RBPJL: variants seen among roughly 807,000 people sequenced by gnomAD.
The protein encoded by RBPJL is recombination signal binding protein for immunoglobulin kappa J region like.
A neutral mutation model predicts 57.6 loss-of-function variants in RBPJL; 50 were observed. The observed-to-expected ratio is 0.87, with a 90% CI of 0.69 to 1.10. The LOEUF (loss-of-function observed/expected upper bound fraction) is 1.10. RBPJL is among the 50% of genes least tolerant of loss of function. RBPJL has a pLI of 0.00. For synonymous variants in RBPJL, 303 were observed against 294.4 expected (o/e 1.03, Z -0.30); for missense variants, 684 against 693.7 (o/e 0.99, Z 0.16).
Position 45,311,639 on chromosome 20 carries a change from T to G in RBPJL, c.308T>G (p.Val103Gly). 1 of 1,613,942 alleles carries G rather than the reference T, an allele frequency of 6.2e-7. No individual in the cohort carries two copies. The highest frequency in any genetic ancestry group is 8.5e-7 in the Non-Finnish European group (1 of 1,179,976). ...TACCTCTCGGGGCCTGGCTGGAGGG[T>G]GAAGCCAGGGCAGGATCAAGGTGAG... is the stretch of plus-strand genomic sequence containing the variant. ...CVYLSGPGWR[V>G]KPGQDQAHQA... Residue 103 changes from valine (V) to glycine (G), a missense_variant, in exon 4 of 12, where the codon GTG (valine) becomes GGG (glycine). Coordinates refer to ENST00000343694, the MANE Select transcript of RBPJL (RefSeq NM_014276.4).
At chr20:45,314,013 C>T (rs748145276) in intron 7 of RBPJL, 22 bp from the exon 8 acceptor site, 1 of 1,573,950 alleles carries the variant, frequency 6.4e-7, no homozygotes, top group Non-Finnish European at 8.7e-7. Flanking sequence ...AAACCTTGTC[C>T]CTTGCTTTTT....
intron 2 of RBPJL, 158 bp downstream of exon 2, chr20:45,308,409 A>AG (rs965581647): frequency 4.5e-5 from 27 of 599,106 alleles, no homozygotes; most frequent in African/African-American, 2.4e-4. Flanking sequence ...CTTCCTCCTG[A>AG]GGGGGGGCAA....
At chr20:45,312,765 G>A (rs978410623) in intron 6 of RBPJL, among the ~76,000 whole-genome samples, 5 of 151,148 alleles carry the variant, frequency 3.3e-5, no homozygotes, top group African/African-American at 7.3e-5. Flanking sequence ...CAAGGTGGGC[G>A]GATCAGTTGA....
chr20:45,316,630 G>T (rs199655947), intron 11 of RBPJL, 50 bp downstream of exon 11: 2 of 1,525,694 alleles, frequency 1.3e-6, no homozygotes, highest in Non-Finnish European at 1.8e-6. Context: ...GCAGGGGAAG[G>T]GGGTGCACGC....
chr20:45,314,181 C>T, intron 8 of RBPJL, 37 bp downstream of exon 8: 1 of 1,537,098 alleles, frequency 6.5e-7, no homozygotes. Flanking sequence ...GGGGTCCCCT[C>T]AGATCCATGC....
In RBPJL at chr20:45,316,243, G is replaced by C. The variant is rs2145697453; in HGVS notation, c.1077G>C (p.Trp359Cys). Residue 359 changes from tryptophan (W) to cysteine (C), a missense_variant, in exon 10 of 12, where the codon TGG becomes TGC. Physicochemically the swap from Trp to Cys is radical, Grantham distance 215 (BLOSUM62 -2). Coordinates refer to ENST00000343694, the MANE Select transcript of RBPJL (RefSeq NM_014276.4). ...CTCTGCTTAACGACAGCTCTTGCTG[G>C]ACCATCATCGGCACCGAGTCGGTGG... ...NRALLNDSSC[W>C]TIIGTESVEF... The C allele has an allele frequency of 1.2e-6, 2 of 1,614,246 alleles. No individual in the cohort carries two copies. Among genetic ancestry groups the C allele is most frequent in the South Asian group, 1.1e-5 (1 of 91,088 alleles).
In RBPJL at chr20:45,308,546, T is replaced by C. The variant is rs544762467; in HGVS notation, c.131+295T>C. On this transcript the variant is annotated intron_variant, in intron 2 of 11. Transcript: ENST00000343694. ...AGCCACACTCCACAGCCGGAATTCATTGGAAGCTTAGAAGGCACTTCCCTG... is the reference window on the plus strand; with the variant it reads ...AGCCACACTCCACAGCCGGAATTCACTGGAAGCTTAGAAGGCACTTCCCTG... 2.2e-4 allele frequency: 96 copies of C among 438,406 alleles called. 1 individual carries two copies. Among genetic ancestry groups the C allele is most frequent in the African/African-American group, 9.3e-4 (47 of 50,578 alleles). 27.2% of individuals were successfully genotyped at this position (438,406 alleles called of 1,614,324 possible).
intron 1 of RBPJL, among the ~76,000 whole-genome samples, chr20:45,307,150 C>A (rs1296896029): frequency 6.6e-6 from 1 of 152,172 alleles, no homozygotes; most frequent in East Asian, 1.9e-4. Flanking sequence ...CACTAAACCT[C>A]ATTTCCTTCC....
Position 45,311,941 on chromosome 20 carries a change from A to G in RBPJL, c.431A>G (p.Gln144Arg). Residue 144 changes from glutamine to arginine, a missense_variant, in exon 5 of 12, where the codon CAG (glutamine) becomes CGG (arginine). By Grantham distance (43) the Gln-to-Arg change is conservative (BLOSUM62 1). Coordinates refer to ENST00000343694, the MANE Select transcript of RBPJL (RefSeq NM_014276.4). ...ACGCAGAAGCTGAATTTCGAGCAGC[A>G]GCCGGACTCCAGGGTGAGAGCGCAC... is the stretch of plus-strand genomic sequence containing the variant. Reference protein sequence around the residue: ...TETQKLNFEQQPDSREFGCAK... With the variant: ...TETQKLNFEQRPDSREFGCAK... 1 of 1,551,122 alleles carries G rather than the reference A, an allele frequency of 6.4e-7. No homozygotes were observed. The highest frequency in any genetic ancestry group is 8.7e-7 in the Non-Finnish European group (1 of 1,146,800).
At position 45,312,338 on chromosome 20, in the gene RBPJL, C is replaced by CT. The variant is rs1252598135; in HGVS notation, c.564dup (p.Ile189TyrfsTer66). ...GGAGCTGGGTACCTTCCACAGCCGC[C>CT]TTATCAAGGTCATCTCGAAGCCCTC... On this transcript the variant is annotated frameshift_variant, in exon 6 of 12. Transcript: ENST00000343694. LOFTEE classifies it high-confidence loss of function. The CT allele has an allele frequency of 5.6e-6, 9 of 1,614,208 alleles. No individual in the cohort carries two copies. Among genetic ancestry groups the CT allele is most frequent in the Non-Finnish European group, 8.5e-7 (1 of 1,180,048 alleles).
At position 45,316,555 on chromosome 20, in the gene RBPJL, G is replaced by A; in HGVS notation, c.1255G>A (p.Asp419Asn). The A allele has an allele frequency of 2.6e-6, 4 of 1,535,804 alleles. No individual in the cohort carries two copies. The highest frequency in any genetic ancestry group is 3.5e-6 in the Non-Finnish European group (4 of 1,142,030). The change falls in exon 11 of 12, where the codon GAC becomes AAC. Residue 419 changes from aspartate to asparagine, a missense_variant. Asp to Asn is a conservative substitution (Grantham distance 23). Coordinates refer to ENST00000343694, the MANE Select transcript of RBPJL (RefSeq NM_014276.4). ...FHAGLKVWFGDVEAETMYRSP... is the reference protein window; with the variant it reads ...FHAGLKVWFGNVEAETMYRSP... ...CGCGGGGCTCAAGGTGTGGTTTGGG[G>A]ACGTGGAGGCAGAAACCATGTACAG...
In RBPJL at chr20:45,311,116, CAAAAAA is replaced by C. The variant is rs34206228; in HGVS notation, c.258-463_258-458del. 8.7e-5 allele frequency among the ~76,000 whole-genome samples: 8 copies of C among 91,532 alleles called. No homozygotes were observed. The East Asian group carries it at 2.1e-3, about 25-fold the overall frequency. The allele number at this position is 91,532 out of a possible 152,430, so 60.0% of individuals were successfully genotyped here. A position where few individuals can be genotyped will look rare whatever the true frequency, so the allele number is the denominator to read the frequency against. On this transcript the variant is annotated intron_variant, in intron 3 of 11. Transcript: ENST00000343694. ...TGGGCAACAGAGCAAGACCCTGCCT[CAAAAAA>C]AAAAAAAAAGAAAAAGAAAAAGAAA...
chr20:45,313,051 A>C (rs1170740736), intron 6 of RBPJL, among the ~76,000 whole-genome samples: 1 of 151,968 alleles, frequency 6.6e-6, no homozygotes, highest in Non-Finnish European at 1.5e-5. Flanking sequence ...TTGAACTGAA[A>C]GATGTCCAGA....
At position 45,316,182 on chromosome 20, in the gene RBPJL, C is replaced by G; in HGVS notation, c.1021-5C>G. On this transcript the variant is annotated splice_region_variant and splice_polypyrimidine_tract_variant and intron_variant, in intron 9 of 11. Coordinates refer to ENST00000343694, the MANE Select transcript of RBPJL (RefSeq NM_014276.4). ...TCGGCCTCGTCCCCTTGGGTCTCCT[C>G]CCAGGCCTCTCCCTGCCCCAAGGAG... 8 of 1,613,016 alleles carry G rather than the reference C, an allele frequency of 5.0e-6. No homozygotes were observed. The highest frequency in any genetic ancestry group is 1.7e-5 in the Admixed American group (1 of 60,012).
intron 1 of RBPJL, among the ~76,000 whole-genome samples, chr20:45,307,509 C>T (rs1330533461): frequency 6.6e-6 from 1 of 152,172 alleles, no homozygotes; most frequent in Non-Finnish European, 1.5e-5. Context: ...AAGCCAACAT[C>T]CCTGGACAGC....
chr20:45,314,136 C>T lies in RBPJL; in HGVS notation c.859C>T (p.Pro287Ser), dbSNP rs1267505645. Residue 287 changes from proline (P) to serine (S), a missense_variant, in exon 8 of 12, where the codon CCT (proline) becomes TCT (serine). Transcript: ENST00000343694. ...LVCTVTGITL[P>S]PMIIRKVAKQ... ...CTGCACGGTCACCGGCATCACACTA[C>T]CTCCCATGGTATAGGAAGGGAGGGC... 3 of 1,613,290 alleles carry T rather than the reference C, an allele frequency of 1.9e-6. No individual in the cohort carries two copies. Among genetic ancestry groups the T allele is most frequent in the Admixed American group, 3.3e-5 (2 of 60,030 alleles).
rs544895487 is a variant in RBPJL, at chr20:45,316,335, C to T, written c.1169C>T (p.Thr390Ile). The change falls in exon 10 of 12, where the codon ACC becomes ATC. Residue 390 changes from threonine to isoleucine, a missense_variant. By Grantham distance (89) the Thr-to-Ile change is moderately conservative. Coordinates refer to ENST00000343694, the MANE Select transcript of RBPJL (RefSeq NM_014276.4). ...EPVTPVPLISTLELSGGGDVA... is the reference protein window; with the variant it reads ...EPVTPVPLISILELSGGGDVA... ...GTCACTCCGGTGCCTCTCATCAGCACCCTAGAGGTGAAGCCGGGCGCTAGG... is the reference window on the plus strand; with the variant it reads ...GTCACTCCGGTGCCTCTCATCAGCATCCTAGAGGTGAAGCCGGGCGCTAGG... 6.8e-6 allele frequency: 11 copies of T among 1,613,666 alleles called. No homozygotes were observed. Among genetic ancestry groups the T allele is most frequent in the Middle Eastern group, 1.7e-4 (1 of 6,038 alleles).
chr20:45,315,388 A>T (rs2145695814), intron 9 of RBPJL, among the ~76,000 whole-genome samples: 1 of 149,922 alleles, frequency 6.7e-6, no homozygotes, highest in Admixed American at 6.7e-5. Flanking sequence ...TAGAGCATAG[A>T]ATTGCACAAT....
chr20:45,309,773 T>G lies in RBPJL; in HGVS notation c.257+81T>G, dbSNP rs1005590936. 11 of 1,573,116 alleles carry G rather than the reference T, an allele frequency of 7.0e-6. No individual in the cohort carries two copies. In the African/African-American group the frequency reaches 1.5e-4, roughly 21 times the overall value. ...CCTCCATCCACCCATTGGGCCTCTT[T>G]TAGACGCAGAGCAGGCCTCAGGGCT... On this transcript the variant is annotated intron_variant, in intron 3 of 11. Transcript: ENST00000343694.
Sources: allele counts gnomAD v4.1 joint callset (sites outside exome capture counted in the v4.1 genomes callset), GRCh38; gene constraint gnomAD v4.1.1; transcripts MANE v1.5; gene names NCBI Gene and HGNC (gene_info 2026-07-23, HGNC 2026-07-21).